The following ZBTB20 variants were observed in gnomAD, a reference collection of about 807,000 sequenced individuals.
ZBTB20 encodes zinc finger and BTB domain-containing protein 20.
ZBTB20 carries 9 observed loss-of-function variants against 56.9 expected under a neutral mutation model. The ratio of observed to expected loss-of-function variants is 0.16; its 90% CI spans 0.10 to 0.28. ZBTB20 has a LOEUF of 0.28. Ranked by LOEUF, ZBTB20 falls within the 10% of genes least tolerant of loss-of-function variation. The probability of loss-of-function intolerance (pLI) is 1.00; values close to 1 mark genes in which losing one functional copy is unlikely to be tolerated. For missense variants in ZBTB20, 655 were observed against 1,003.0 expected (o/e 0.65, Z 4.69); for synonymous variants, 417 against 420.7 (o/e 0.99, Z 0.11).
At chr3:114,935,351 G>A (rs534634154) in intron 3 of ZBTB20, among the ~76,000 whole-genome samples, 1 of 152,242 alleles carries the variant, frequency 6.6e-6, no homozygotes, top group East Asian at 1.9e-4. Flanking sequence ...ACTTGAGGAA[G>A]CTCTTCAAGG....
At chr3:114,795,511 T>C (rs1210020366) in intron 5 of ZBTB20, among the ~76,000 whole-genome samples, 1 of 152,094 alleles carries the variant, frequency 6.6e-6, no homozygotes, top group African/African-American at 2.4e-5. Flanking sequence ...GGATTTTGTA[T>C]ATGCAGTTTC....
chr3:115,113,303 G>A (rs1001298651), intron 1 of ZBTB20, among the ~76,000 whole-genome samples: 8 of 152,162 alleles, frequency 5.3e-5, no homozygotes, highest in African/African-American at 1.9e-4. Flanking sequence ...TCTTGACTTC[G>A]ATTTATTCAC....
chr3:114,418,686 A>G (rs974540869), intron 7 of ZBTB20, among the ~76,000 whole-genome samples: 3 of 152,048 alleles, frequency 2.0e-5, no homozygotes, highest in African/African-American at 7.2e-5. Context: ...AAAGTAGAAT[A>G]GACAAAACAC....
At chr3:114,561,845 C>T (rs992928321) in intron 6 of ZBTB20, among the ~76,000 whole-genome samples, 1 of 152,016 alleles carries the variant, frequency 6.6e-6, no homozygotes, top group African/African-American at 2.4e-5. Flanking sequence ...TTGACTTCTC[C>T]TCAATAGCTA....
chr3:114,785,713 G>A (rs942164774), intron 5 of ZBTB20, among the ~76,000 whole-genome samples: 11 of 151,762 alleles, frequency 7.2e-5, no homozygotes, highest in African/African-American at 9.7e-5. Flanking sequence ...ACATTACCAC[G>A]GTCAAGATTA....
chr3:114,553,460 A>C (rs2110213500), intron 6 of ZBTB20, among the ~76,000 whole-genome samples: 1 of 152,256 alleles, frequency 6.6e-6, no homozygotes, highest in South Asian at 2.1e-4. Context: ...TTTGTGTTTG[A>C]TTATATGTAC....
intron 3 of ZBTB20, among the ~76,000 whole-genome samples, chr3:114,947,789 A>G (rs1293528912): frequency 6.8e-6 from 1 of 146,090 alleles, no homozygotes; most frequent in Non-Finnish European, 1.5e-5. Flanking sequence ...ATTGTACACC[A>G]TAATTTTACA....
chr3:114,829,375 C>T (rs2073718357), intron 4 of ZBTB20, among the ~76,000 whole-genome samples: 1 of 151,780 alleles, frequency 6.6e-6, no homozygotes, highest in East Asian at 1.9e-4. Context: ...CAAGTTTCTT[C>T]AAACACAGGT....
At chr3:114,414,890 T>C (rs1000067054) in intron 7 of ZBTB20, among the ~76,000 whole-genome samples, 1 of 151,772 alleles carries the variant, frequency 6.6e-6, no homozygotes, top group African/African-American at 2.4e-5. Context: ...TATACTCCTT[T>C]CTCTGGGGTT....
chr3:114,604,145 G>A (rs760255054), intron 6 of ZBTB20, among the ~76,000 whole-genome samples: 16 of 151,872 alleles, frequency 1.1e-4, no homozygotes, highest in African/African-American at 2.9e-4. Flanking sequence ...TTTATCAATC[G>A]GGACTGAATA....
intron 6 of ZBTB20, among the ~76,000 whole-genome samples, chr3:114,601,178 C>T (rs1402100719): frequency 6.6e-6 from 1 of 152,008 alleles, no homozygotes; most frequent in Non-Finnish European, 1.5e-5. Context: ...CCTCAGCATG[C>T]CAACAGGTAT....
At chr3:114,669,469 G>A (rs1181605797) in intron 6 of ZBTB20, among the ~76,000 whole-genome samples, 2 of 151,978 alleles carry the variant, frequency 1.3e-5, no homozygotes, top group African/African-American at 4.8e-5. Flanking sequence ...AGCTTCTTAT[G>A]CCCATTATTA....
chr3:115,129,095 T>C (rs985650817), intron 1 of ZBTB20, among the ~76,000 whole-genome samples: 14 of 151,066 alleles, frequency 9.3e-5, no homozygotes, highest in Admixed American at 7.2e-4. Context: ...CGAGACTCCG[T>C]CTCAAAAAAA....
At chr3:114,772,971 T>G (rs1471223330) in intron 5 of ZBTB20, among the ~76,000 whole-genome samples, 2 of 151,852 alleles carry the variant, frequency 1.3e-5, no homozygotes, top group East Asian at 1.9e-4. Context: ...GGAAAAGAGG[T>G]GTGGTAGAAG....
intron 1 of ZBTB20, among the ~76,000 whole-genome samples, chr3:115,106,239 T>TC (rs1286758105): frequency 6.7e-6 from 1 of 149,450 alleles, no homozygotes; most frequent in East Asian, 1.9e-4. Flanking sequence ...ATTCTTTTTT[T>TC]TTTTTTTTTT....
At chr3:114,945,989 T>A (rs116451430) in intron 3 of ZBTB20, among the ~76,000 whole-genome samples, 3,103 of 145,582 alleles carry the variant, frequency 0.021, 164 homozygotes, top group South Asian at 0.035. Flanking sequence ...TCCAAATTTG[T>A]ACAAACCAAT....
rs137952554 is a variant in ZBTB20, at chr3:114,607,243, T to A, written c.-295+86285A>T. ...AATCTCAATATGCAATATGAGGTTA[T>A]AATCATTTCTATGGATTTAAAAGTG... On this transcript the variant is annotated intron_variant, in intron 6 of 11. Transcript: ENST00000675478. Among the ~76,000 whole-genome samples, 123 of 152,248 alleles carry A rather than the reference T, an allele frequency of 8.1e-4. 1 individual carries two copies. Among genetic ancestry groups the A allele is most frequent in the East Asian group, 6.2e-3 (32 of 5,188 alleles).
chr3:114,905,593 C>T (rs933954167), intron 3 of ZBTB20, among the ~76,000 whole-genome samples: 5 of 151,956 alleles, frequency 3.3e-5, no homozygotes, highest in East Asian at 3.9e-4. Context: ...ATTGTGTTAG[C>T]TTGTATTCTT....
At chr3:115,133,039 C>A (rs952289310) in intron 1 of ZBTB20, among the ~76,000 whole-genome samples, 6 of 152,024 alleles carry the variant, frequency 3.9e-5, no homozygotes, top group African/African-American at 1.4e-4. Flanking sequence ...ACTATATAAT[C>A]TTTAACAGAA....
Sources: gnomAD v4.1 joint callset for allele counts (sites outside exome capture counted in the v4.1 genomes callset) on GRCh38, gnomAD v4.1.1 for gene constraint, MANE v1.5 for transcripts, NCBI Gene and HGNC (gene_info 2026-07-23, HGNC 2026-07-21) for gene names.